The following HHATL variants were observed in gnomAD, a reference collection of about 807,000 sequenced individuals.
HHATL encodes protein-cysteine N-palmitoyltransferase HHAT-like protein.
A neutral mutation model predicts 59.7 loss-of-function variants in HHATL; 49 were observed. The observed-to-expected ratio is 0.82, with a 90% CI of 0.65 to 1.04. The LOEUF (loss-of-function observed/expected upper bound fraction) is 1.04. HHATL is among the 50% of genes least tolerant of loss of function. The probability of loss-of-function intolerance (pLI) is 0.00; values close to 1 mark genes in which losing one functional copy is unlikely to be tolerated. For synonymous variants in HHATL, 238 were observed against 257.3 expected (o/e 0.93, Z 0.72); for missense variants, 605 against 650.8 (o/e 0.93, Z 0.77).
chr3:42,699,983 G>T (rs763031019), intron 2 of HHATL, among the ~76,000 whole-genome samples, 158 bp from the exon 3 acceptor site: 1 of 152,058 alleles, frequency 6.6e-6, no homozygotes, highest in Non-Finnish European at 1.5e-5. Context: ...TCTGGGTCTC[G>T]CTGTGTGTCT....
intron 3 of HHATL, among the ~76,000 whole-genome samples, chr3:42,699,498 T>C (rs1697837963): frequency 6.6e-6 from 1 of 151,876 alleles, no homozygotes; most frequent in Non-Finnish European, 1.5e-5. Context: ...CTTTACTGCT[T>C]TGTTTCTGGG....
chr3:42,698,638 A>G (rs1315112455), intron 5 of HHATL, 70 bp downstream of exon 5: 1 of 1,490,086 alleles, frequency 6.7e-7, no homozygotes, highest in Non-Finnish European at 9.0e-7. Flanking sequence ...CTTGGGGTGC[A>G]AGGACTTTGG....
In HHATL at chr3:42,693,609, C is replaced by T. The variant is rs1473614016; in HGVS notation, c.1248+8G>A. 12 of 1,613,322 alleles carry T rather than the reference C, an allele frequency of 7.4e-6. No individual in the cohort carries two copies. Among genetic ancestry groups the T allele is most frequent in the Non-Finnish European group, 1.0e-5 (12 of 1,179,510 alleles). On this transcript the variant is annotated splice_region_variant and intron_variant, in intron 10 of 11. Transcript: ENST00000441594. ...AGCCAGTCCCAGCCCCAGGTCTTCC[C>T]TGCTCACCTCAATTCGTGCTAGGGG...
chr3:42,698,786 CA>C lies in HHATL; in HGVS notation c.404del (p.Leu135TrpfsTer23). ...HCVGLYVASLLGQPWLCLGLG... is the reference protein window; with the variant it reads ...HCVGLYVASLXGQPWLCLGLG... Reference sequence around the variant, plus strand: ...GGCCAAGACAGAGCCAGGGCTGGCCCAAAAGCGAGGCCACATAGAGGCCCAC... The same window carrying C: ...GGCCAAGACAGAGCCAGGGCTGGCCCAAAGCGAGGCCACATAGAGGCCCAC... On this transcript the variant is annotated frameshift_variant, in exon 5 of 12. Coordinates refer to ENST00000441594, the MANE Select transcript of HHATL (RefSeq NM_020707.4). LOFTEE classifies it high-confidence loss of function. 1 of 1,613,028 alleles carries C rather than the reference CA, an allele frequency of 6.2e-7. No individual in the cohort carries two copies. The highest frequency in any genetic ancestry group is 8.5e-7 in the Non-Finnish European group (1 of 1,179,646).
At position 42,701,867 on chromosome 3, in the gene HHATL, G is replaced by A. The variant is rs1338353100; in HGVS notation, c.-14+712C>T. Among the ~76,000 whole-genome samples, 1 of 152,212 alleles carries A rather than the reference G, an allele frequency of 6.6e-6. No individual in the cohort carries two copies. Among genetic ancestry groups the A allele is most frequent in the Non-Finnish European group, 1.5e-5 (1 of 68,032 alleles). The stretch of plus-strand genomic sequence containing the variant: ...AACTCTTGGGCTGACGGGGCCAAGA[G>A]GTGGCTGATGTGGCCCTTTTGCCCA... On this transcript the variant is annotated intron_variant, in intron 1 of 11. Transcript: ENST00000441594. This position sits in a 1 kb window ranked among gnomAD's most constrained non-coding sequence, Gnocchi z 5.1.
chr3:42,694,128 A>G (rs893943635), intron 9 of HHATL: 1 of 393,186 alleles, frequency 2.5e-6, no homozygotes, highest in East Asian at 5.0e-5. Context: ...CCTGATTTGT[A>G]TATGCAATTG....
At chr3:42,700,298 G>C (rs1286871191) in intron 2 of HHATL, among the ~76,000 whole-genome samples, 1 of 150,120 alleles carries the variant, frequency 6.7e-6, no homozygotes, top group Admixed American at 6.6e-5. Context: ...ATGTGTGTGT[G>C]TGTGTGTTGG....
Position 42,693,031 on chromosome 3 carries a change from G to A in HHATL, c.1390+46C>T, listed in dbSNP as rs771242961. ...CATTTTGGAAGGTCACGGTCCTTGA[G>A]GCTGATGCCTGGCACCTTCTGTATC... On this transcript the variant is annotated intron_variant, in intron 11 of 11. Coordinates refer to ENST00000441594, the MANE Select transcript of HHATL (RefSeq NM_020707.4). 4.7e-5 allele frequency: 75 copies of A among 1,610,846 alleles called. 1 individual carries two copies. In the Admixed American group the frequency reaches 1.2e-3, roughly 27 times the overall value.
rs111524014 is a variant in HHATL at position 42,698,333 on chromosome 3, T to A, written c.502A>T (p.Thr168Ser). The A allele has an allele frequency of 1.1e-5, 17 of 1,612,260 alleles. No individual in the cohort carries two copies. In the African/African-American group the frequency reaches 1.5e-4, roughly 14 times the overall value. The change falls in exon 6 of 12, where the codon ACT becomes TCT. Residue 168 changes from threonine (T) to serine (S), a missense_variant. Transcript: ENST00000441594. Reference sequence around the variant, plus strand: ...AACAGCACCTCTTGAAGATCAAAAGTGCCTGTTACAAACCCGCTCTGGAGG... The same window carrying A: ...AACAGCACCTCTTGAAGATCAAAAGAGCCTGTTACAAACCCGCTCTGGAGG... ...ISWQSGFVTG[T>S]FDLQEVLFHG...
In HHATL at chr3:42,693,222, T is replaced by G. The variant is rs1697431011; in HGVS notation, c.1249-4A>C. 1 of 1,613,764 alleles carries G rather than the reference T, an allele frequency of 6.2e-7. No homozygotes were observed. Among genetic ancestry groups the G allele is most frequent in the South Asian group, 1.1e-5 (1 of 91,070 alleles). ...ACATCTGCACTGACAGAGAGGCCTA[T>G]CCGGTCCAGGAAAGCATGGGCAGCG... On this transcript the variant is annotated splice_polypyrimidine_tract_variant and splice_region_variant and intron_variant, in intron 10 of 11. Coordinates refer to ENST00000441594, the MANE Select transcript of HHATL (RefSeq NM_020707.4).
intron 9 of HHATL, among the ~76,000 whole-genome samples, chr3:42,695,591 T>C (rs1222746239): frequency 6.6e-6 from 1 of 152,168 alleles, no homozygotes; most frequent in Non-Finnish European, 1.5e-5. Flanking sequence ...AGTGGAGAGA[T>C]AGTATGAGTG....
At chr3:42,696,376 C>A (rs143321887) in intron 9 of HHATL, among the ~76,000 whole-genome samples, 2 of 152,180 alleles carry the variant, frequency 1.3e-5, no homozygotes, top group Admixed American at 1.3e-4. Flanking sequence ...ACCACCTGCC[C>A]ACACTCAGGA....
In HHATL at chr3:42,697,159, A is replaced by G. The variant is rs1697661554; in HGVS notation, c.866-14T>C. 2 of 1,515,804 alleles carry G rather than the reference A, an allele frequency of 1.3e-6. No homozygotes were observed. Among genetic ancestry groups the G allele is most frequent in the Non-Finnish European group, 1.8e-6 (2 of 1,131,974 alleles). The allele number at this position is 1,515,804 out of a possible 1,614,324, so 93.9% of individuals were successfully genotyped here. A position where few individuals can be genotyped will look rare whatever the true frequency, so the allele number is the denominator to read the frequency against. On this transcript the variant is annotated splice_polypyrimidine_tract_variant and intron_variant, in intron 7 of 11. Coordinates refer to ENST00000441594, the MANE Select transcript of HHATL (RefSeq NM_020707.4). ...AGGCTAGGCCAGCTGGGGGCAGGGCACTGTCACTGCCTGGGGTCCAATCGC... is the reference window on the plus strand; with the variant it reads ...AGGCTAGGCCAGCTGGGGGCAGGGCGCTGTCACTGCCTGGGGTCCAATCGC...
In HHATL at chr3:42,698,190, G is replaced by A. The variant is rs755729658; in HGVS notation, c.645C>T (p.Pro215=). 9 of 1,614,216 alleles carry A rather than the reference G, an allele frequency of 5.6e-6. No individual in the cohort carries two copies. Among genetic ancestry groups the A allele is most frequent in the Middle Eastern group, 1.6e-4 (1 of 6,062 alleles). Residue 215 remains proline (P), a synonymous_variant, in exon 6 of 12, where the codon CCC becomes CCT. Coordinates refer to ENST00000441594, the MANE Select transcript of HHATL (RefSeq NM_020707.4). ...ADLLKYNFYL[P]FFFFGPIMTF... Reference sequence around the variant, plus strand: ...TCATGATGGGCCCGAAGAAGAAGAAGGGCAGGTAGAAGTTGTACTTGAGCA... The same window carrying A: ...TCATGATGGGCCCGAAGAAGAAGAAAGGCAGGTAGAAGTTGTACTTGAGCA...
Position 42,698,254 on chromosome 3 carries a change from C to T in HHATL, c.581G>A (p.Ser194Asn), listed in dbSNP as rs1697736440. The T allele has an allele frequency of 6.2e-7, 1 of 1,614,126 alleles. No individual in the cohort carries two copies. Among genetic ancestry groups the T allele is most frequent in the Non-Finnish European group, 8.5e-7 (1 of 1,179,982 alleles). ...GTAGTGGCGGTCAGGGTGGGCACAG[C>T]TCTCCAGTGCAAAGCTGGTGCAACG... Reference protein sequence around the residue: ...VLRCTSFALESCAHPDRHYSL... With the variant: ...VLRCTSFALENCAHPDRHYSL... The change falls in exon 6 of 12, where the codon AGC becomes AAC. Residue 194 changes from serine to asparagine, a missense_variant. Coordinates refer to ENST00000441594, the MANE Select transcript of HHATL (RefSeq NM_020707.4).
At chr3:42,700,588 G>A (rs1697917315) in intron 2 of HHATL, 133 bp downstream of exon 2, 2 of 616,086 alleles carry the variant, frequency 3.2e-6, no homozygotes, top group Non-Finnish European at 5.8e-6. Context: ...GGGCTGAAAA[G>A]GGAGATCCAG....
chr3:42,699,006 G>A (rs775254923), intron 4 of HHATL, 26 bp downstream of exon 4: 2 of 1,612,074 alleles, frequency 1.2e-6, no homozygotes, highest in Non-Finnish European at 1.7e-6. Flanking sequence ...GGCAGGGAGA[G>A]GCTGGGTGGC....
chr3:42,695,456 A>G (rs1032098629), intron 9 of HHATL, among the ~76,000 whole-genome samples: 3 of 152,162 alleles, frequency 2.0e-5, no homozygotes, highest in East Asian at 1.9e-4. Flanking sequence ...ACATCTTCAC[A>G]TGCTGGAGTT....
intron 9 of HHATL, among the ~76,000 whole-genome samples, chr3:42,696,221 C>T (rs530205119): frequency 6.6e-6 from 1 of 152,242 alleles, no homozygotes; most frequent in East Asian, 1.9e-4. Flanking sequence ...TTCTCCTGCC[C>T]CTCCAACTAC....
Sources: gnomAD v4.1 joint callset for allele counts (sites outside exome capture counted in the v4.1 genomes callset) on GRCh38, gnomAD v4.1.1 for gene constraint, Gnocchi (gnomAD v3.1) non-coding constraint, MANE v1.5 for transcripts, NCBI Gene and HGNC (gene_info 2026-07-23, HGNC 2026-07-21) for gene names.